Variants in TBC1D22A observed in about 807,000 individuals in gnomAD.
TBC1D22A encodes the protein TBC1 domain family member 22A.
In TBC1D22A, 38 loss-of-function variants were observed where a neutral mutation model predicts 60.2. The observed-to-expected ratio is 0.63, with a 90% CI of 0.49 to 0.83. The LOEUF is 0.83. Among genes scored for constraint, TBC1D22A ranks in the 40% least tolerant of loss-of-function variants. The pLI, the probability that TBC1D22A is intolerant of heterozygous loss-of-function variation, is 0.00. For missense variants in TBC1D22A, 628 were observed against 701.0 expected (o/e 0.90, Z 1.18); for synonymous variants, 302 against 281.7 (o/e 1.07, Z -0.72).
chr22:46,766,255 C>T (rs1473738149), intron 1 of TBC1D22A, among the ~76,000 whole-genome samples: 6 of 152,098 alleles, frequency 3.9e-5, no homozygotes, highest in Admixed American at 3.9e-4. Flanking sequence ...CCTCGGTCTC[C>T]CAACGTGCTG....
chr22:46,870,360 T>C (rs762341681), intron 4 of TBC1D22A, among the ~76,000 whole-genome samples: 21 of 152,228 alleles, frequency 1.4e-4, no homozygotes, highest in Admixed American at 2.0e-4. Context: ...CATGAAATTG[T>C]GATTTTGGTG....
At chr22:47,126,277 C>T (rs1050779808) in intron 12 of TBC1D22A, among the ~76,000 whole-genome samples, 6 of 152,332 alleles carry the variant, frequency 3.9e-5, no homozygotes, top group Middle Eastern at 3.4e-3. Flanking sequence ...CCACCGTGCC[C>T]GGCCAGATGA....
chr22:47,173,473 C>T, intron 12 of TBC1D22A, 25 bp from the exon 13 acceptor site: 1 of 1,613,184 alleles, frequency 6.2e-7, no homozygotes, highest in Non-Finnish European at 8.5e-7. Context: ...CCTCCTCTGA[C>T]CTGGGCTTGT....
chr22:46,906,929 G>T (rs745563138), intron 7 of TBC1D22A, among the ~76,000 whole-genome samples: 1 of 152,026 alleles, frequency 6.6e-6, no homozygotes, highest in Admixed American at 6.5e-5. Context: ...ATGTGTGCGC[G>T]TGTGCTCTCT....
intron 4 of TBC1D22A, among the ~76,000 whole-genome samples, chr22:46,840,836 T>C (rs538040887): frequency 6.6e-6 from 1 of 152,254 alleles, no homozygotes; most frequent in Admixed American, 6.5e-5. Flanking sequence ...ATAGCCTTTA[T>C]GGAAAACGGT....
intron 11 of TBC1D22A, among the ~76,000 whole-genome samples, chr22:47,048,005 T>A (rs2063085454): frequency 6.6e-6 from 1 of 152,170 alleles, no homozygotes; most frequent in Non-Finnish European, 1.5e-5. Flanking sequence ...TCTTTGCAAG[T>A]TGGTGTTCCT....
At chr22:46,921,127 T>G (rs1391112356) in intron 8 of TBC1D22A, among the ~76,000 whole-genome samples, 1 of 152,120 alleles carries the variant, frequency 6.6e-6, no homozygotes, top group African/African-American at 2.4e-5. Context: ...CATGTACAGG[T>G]TTTTTATATA....
At chr22:46,854,570 CG>C (rs1276205782) in intron 4 of TBC1D22A, among the ~76,000 whole-genome samples, 24 of 151,954 alleles carry the variant, frequency 1.6e-4, no homozygotes, top group African/African-American at 5.6e-4. Flanking sequence ...CGGATGTTCT[CG>C]CGCTAATTCC....
intron 12 of TBC1D22A, among the ~76,000 whole-genome samples, chr22:47,113,655 C>T (rs2065929024): frequency 6.6e-6 from 1 of 152,246 alleles, no homozygotes; most frequent in South Asian, 2.1e-4. Flanking sequence ...CCATTGACGA[C>T]TCCATTTCTT....
intron 4 of TBC1D22A, among the ~76,000 whole-genome samples, chr22:46,858,910 A>G (rs2087717327): frequency 6.6e-6 from 1 of 152,238 alleles, no homozygotes; most frequent in Non-Finnish European, 1.5e-5. Context: ...TTCAAACAAA[A>G]CAAAAATGAT....
intron 12 of TBC1D22A, among the ~76,000 whole-genome samples, chr22:47,155,993 C>T (rs947754676): frequency 7.9e-5 from 12 of 152,204 alleles, no homozygotes; most frequent in African/African-American, 2.4e-4. Flanking sequence ...GTGTGCCCAG[C>T]GTCGTGTTAT....
intron 5 of TBC1D22A, among the ~76,000 whole-genome samples, 193 bp from the exon 6 acceptor site, chr22:46,891,073 T>G (rs1049498593): frequency 4.6e-5 from 7 of 151,196 alleles, no homozygotes; most frequent in African/African-American, 1.5e-4. Context: ...TCGGGAGTGG[T>G]GCTTGCATTG....
rs1185985713 is a variant in TBC1D22A, at chr22:46,891,261, C to G, written c.709-5C>G. On this transcript the variant is annotated splice_polypyrimidine_tract_variant and splice_region_variant and intron_variant, in intron 5 of 12. Coordinates refer to ENST00000337137, the MANE Select transcript of TBC1D22A (RefSeq NM_014346.5). Reference sequence around the variant, plus strand: ...ATGTATATTTTTTGTTTATTTCTCACCCAGGGTTACCTTCCCGCCAATGTA... The same window carrying G: ...ATGTATATTTTTTGTTTATTTCTCAGCCAGGGTTACCTTCCCGCCAATGTA... 6.2e-7 allele frequency: 1 copy of G among 1,600,866 alleles called. No homozygotes were observed.
At chr22:46,872,155 C>G (rs2067318444) in intron 4 of TBC1D22A, among the ~76,000 whole-genome samples, 1 of 152,068 alleles carries the variant, frequency 6.6e-6, no homozygotes, top group Non-Finnish European at 1.5e-5. Context: ...ATTTGTTATA[C>G]AAGAGCCTTC....
At chr22:46,884,056 G>T (rs150363969) in intron 5 of TBC1D22A, among the ~76,000 whole-genome samples, 9 of 152,316 alleles carry the variant, frequency 5.9e-5, no homozygotes, top group Non-Finnish European at 1.3e-4. Context: ...TCCGTTGTGG[G>T]GCAAACAGCG....
chr22:46,854,451 C>T (rs1268874574), intron 4 of TBC1D22A, among the ~76,000 whole-genome samples: 1 of 152,144 alleles, frequency 6.6e-6, no homozygotes. Context: ...TCATAGATGG[C>T]GCCAATCTCT....
chr22:47,060,044 C>T (rs965235780), intron 11 of TBC1D22A, among the ~76,000 whole-genome samples: 5 of 152,042 alleles, frequency 3.3e-5, no homozygotes, highest in African/African-American at 9.7e-5. Flanking sequence ...TCTGGGGGCT[C>T]GAGATCCTGG....
At chr22:46,991,261 G>T (rs890795498) in intron 9 of TBC1D22A, among the ~76,000 whole-genome samples, 1 of 152,160 alleles carries the variant, frequency 6.6e-6, no homozygotes, top group Admixed American at 6.5e-5. Context: ...TGCTCTGAGG[G>T]TGCTTTCTGA....
chr22:46,904,111 CT>C (rs2069223099), intron 7 of TBC1D22A, among the ~76,000 whole-genome samples: 2 of 66,160 alleles, frequency 3.0e-5, no homozygotes, highest in South Asian at 1.1e-3. Context: ...ATCTATCTAT[CT>C]ATCTATCTAT....
Sources: gnomAD v4.1 joint callset for allele counts (sites outside exome capture counted in the v4.1 genomes callset) on GRCh38, gnomAD v4.1.1 for gene constraint, MANE v1.5 for transcripts, NCBI Gene and HGNC (gene_info 2026-07-23, HGNC 2026-07-21) for gene names.